The following HS3ST3A1 variants were observed in gnomAD, a reference collection of about 807,000 sequenced individuals.
HS3ST3A1 encodes heparan sulfate-glucosamine 3-sulfotransferase 3A1.
Under a neutral mutation model 25.7 loss-of-function variants are expected in HS3ST3A1, and 19 were observed. The observed-to-expected ratio is 0.74, with a 90% CI of 0.52 to 1.08. HS3ST3A1 has a LOEUF of 1.08. Ranked by LOEUF, HS3ST3A1 falls within the 50% of genes least tolerant of loss-of-function variation. The pLI is 0.00. For synonymous variants in HS3ST3A1, 226 were observed against 278.6 expected, an observed-to-expected ratio of 0.81 and a Z score of 1.88; for missense variants, 459 against 594.3, an observed-to-expected ratio of 0.77 and a Z score of 2.37.
chr17:13,546,542 A>G (rs1311482031), intron 1 of HS3ST3A1, among the ~76,000 whole-genome samples: 1 of 152,204 alleles, frequency 6.6e-6, no homozygotes. Context: ...TTGGGATTAC[A>G]GGCGTGAGCC....
intron 1 of HS3ST3A1, among the ~76,000 whole-genome samples, chr17:13,578,808 AT>A (rs572348197): frequency 7.2e-5 from 11 of 152,216 alleles, no homozygotes; most frequent in Non-Finnish European, 1.2e-4. Context: ...GATCATGTCA[AT>A]ATAAGCAATT....
chr17:13,514,393 T>A (rs1905985843), intron 1 of HS3ST3A1, among the ~76,000 whole-genome samples: 1 of 152,200 alleles, frequency 6.6e-6, no homozygotes, highest in African/African-American at 2.4e-5. Context: ...TATTTATTTT[T>A]AAATTCAGTT....
intron 1 of HS3ST3A1, among the ~76,000 whole-genome samples, chr17:13,564,042 G>T (rs1907617051): frequency 6.6e-6 from 1 of 152,124 alleles, no homozygotes; most frequent in Admixed American, 6.6e-5. Context: ...AATTACCATT[G>T]CTCTTCAGGA....
chr17:13,521,943 C>T (rs1204245290), intron 1 of HS3ST3A1, among the ~76,000 whole-genome samples: 1 of 152,018 alleles, frequency 6.6e-6, no homozygotes, highest in African/African-American at 2.4e-5. Context: ...AGATAGATGC[C>T]AGTAGCAACC....
At chr17:13,527,207 A>AT (rs959347410) in intron 1 of HS3ST3A1, among the ~76,000 whole-genome samples, 23 of 151,490 alleles carry the variant, frequency 1.5e-4, no homozygotes, top group East Asian at 7.8e-4. Context: ...CTTTAAACTG[A>AT]TTTTTTTTCT....
At chr17:13,574,134 CTTTT>C (rs557193269) in intron 1 of HS3ST3A1, among the ~76,000 whole-genome samples, 1 of 126,036 alleles carries the variant, frequency 7.9e-6, no homozygotes, top group African/African-American at 3.1e-5. Flanking sequence ...CCATATCACT[CTTTT>C]TTTTTTTTTT....
intron 1 of HS3ST3A1, among the ~76,000 whole-genome samples, chr17:13,504,496 G>A (rs548132150): frequency 2.0e-5 from 3 of 152,266 alleles, no homozygotes; most frequent in Admixed American, 6.5e-5. Context: ...GTCTAGAAGA[G>A]GGCATGAGAG....
At chr17:13,522,039 G>C (rs894338467) in intron 1 of HS3ST3A1, among the ~76,000 whole-genome samples, 3 of 152,098 alleles carry the variant, frequency 2.0e-5, no homozygotes, top group African/African-American at 2.4e-5. Context: ...GGGCAAAACT[G>C]TCCTCTGATG....
In HS3ST3A1 at chr17:13,507,178, G is replaced by T. The variant is rs577414086; in HGVS notation, c.600-10360C>A. ...AGATCCAGGGCAGCCAGAAATTCAAGTTCAGGGTCCTTGGGAAGAGCATCA... is the reference window on the plus strand; with the variant it reads ...AGATCCAGGGCAGCCAGAAATTCAATTTCAGGGTCCTTGGGAAGAGCATCA... On this transcript the variant is annotated intron_variant, in intron 1 of 1. Transcript: ENST00000284110. Among the ~76,000 whole-genome samples, 347 of 152,174 alleles carry T rather than the reference G, an allele frequency of 2.3e-3. 2 individuals carry two copies. Among genetic ancestry groups the T allele is most frequent in the Non-Finnish European group, 3.7e-3 (254 of 68,018 alleles).
intron 1 of HS3ST3A1, among the ~76,000 whole-genome samples, chr17:13,499,252 C>T (rs558352736): frequency 3.9e-4 from 60 of 152,264 alleles, no homozygotes; most frequent in African/African-American, 1.3e-3. Context: ...TCTGTGACTC[C>T]TTCTGTGGAA....
Position 13,494,810 on chromosome 17 carries a change from G to A in HS3ST3A1, c.*1387C>T, listed in dbSNP as rs951800577. On this transcript the variant is annotated 3_prime_UTR_variant, in exon 2 of 2. Coordinates refer to ENST00000284110, the MANE Select transcript of HS3ST3A1 (RefSeq NM_006042.3). The stretch of plus-strand genomic sequence containing the variant: ...ATTGATTTATTTGAGTGATTTAAAT[G>A]GGGGATGGGCAGAAACAGACGAGAG... 5.3e-5 allele frequency among the ~76,000 whole-genome samples: 8 copies of A among 152,100 alleles called. No homozygotes were observed. The highest frequency in any genetic ancestry group is 4.4e-5 in the Non-Finnish European group (3 of 68,020).
Position 13,496,041 on chromosome 17 carries a change from C to T in HS3ST3A1, c.*156G>A. The T allele has an allele frequency of 1.1e-6, 1 of 904,936 alleles. No homozygotes were observed. The highest frequency in any genetic ancestry group is 1.6e-6 in the Non-Finnish European group (1 of 629,502). 56.1% of individuals were successfully genotyped at this position (904,936 alleles called of 1,614,324 possible). A position where few individuals can be genotyped will look rare whatever the true frequency, so the allele number is the denominator to read the frequency against. On this transcript the variant is annotated 3_prime_UTR_variant, in exon 2 of 2. Transcript: ENST00000284110. ...ATCCACGTGTTTGGTGTTGGTTATA[C>T]ATTAAGATGGGGCGGGAGTGAGAAC...
At chr17:13,517,829 A>T (rs1222995754) in intron 1 of HS3ST3A1, among the ~76,000 whole-genome samples, 2 of 152,104 alleles carry the variant, frequency 1.3e-5, no homozygotes, top group Non-Finnish European at 2.9e-5. Context: ...TTTTCAGTAG[A>T]GACAGGGTTT....
chr17:13,538,723 G>C (rs771213920), intron 1 of HS3ST3A1, among the ~76,000 whole-genome samples: 1 of 152,002 alleles, frequency 6.6e-6, no homozygotes. Context: ...AGGTGTTTTG[G>C]TTTTGCTTTT....
chr17:13,529,877 C>T (rs182500853), intron 1 of HS3ST3A1, among the ~76,000 whole-genome samples: 12 of 151,834 alleles, frequency 7.9e-5, no homozygotes, highest in East Asian at 3.9e-4. Context: ...AGCTCCCCCC[C>T]ACCCCAATTC....
At chr17:13,520,552 G>A (rs2142317771) in intron 1 of HS3ST3A1, among the ~76,000 whole-genome samples, 1 of 152,100 alleles carries the variant, frequency 6.6e-6, no homozygotes, top group Non-Finnish European at 1.5e-5. Flanking sequence ...TATGTCTGTA[G>A]AACCAGTCAA....
chr17:13,526,474 TTATATA>T (rs58701744), intron 1 of HS3ST3A1, among the ~76,000 whole-genome samples: 1,568 of 76,212 alleles, frequency 0.021, 32 homozygotes, highest in Middle Eastern at 0.056. Flanking sequence ...ACTTTAATTT[TTATATA>T]TATATATATA....
At chr17:13,526,238 G>A (rs990220035) in intron 1 of HS3ST3A1, among the ~76,000 whole-genome samples, 3 of 151,832 alleles carry the variant, frequency 2.0e-5, no homozygotes, top group Non-Finnish European at 2.9e-5. Flanking sequence ...TCCTTCAGAG[G>A]CTCCTGTCCC....
intron 1 of HS3ST3A1, among the ~76,000 whole-genome samples, chr17:13,499,878 G>C (rs1905410292): frequency 6.6e-6 from 1 of 152,166 alleles, no homozygotes; most frequent in Non-Finnish European, 1.5e-5. Flanking sequence ...GGTGTGGAGA[G>C]TTGGGCTTAA....
Sources: allele counts gnomAD v4.1 joint callset (sites outside exome capture counted in the v4.1 genomes callset), GRCh38; gene constraint gnomAD v4.1.1; transcripts MANE v1.5; gene names NCBI Gene and HGNC (gene_info 2026-07-23, HGNC 2026-07-21).